PTPRT: variants seen among roughly 807,000 people sequenced by gnomAD.
PTPRT encodes the protein receptor-type tyrosine-protein phosphatase T.
PTPRT carries 56 observed loss-of-function variants against 176.8 expected under a neutral mutation model. The ratio of observed to expected loss-of-function variants is 0.32; its 90% confidence interval spans 0.26 to 0.40. The LOEUF (loss-of-function observed/expected upper bound fraction) is 0.40. PTPRT is among the 10% of genes least tolerant of loss of function. PTPRT has a pLI of 1.00. For synonymous variants in PTPRT, 783 were observed against 739.0 expected, an observed-to-expected ratio of 1.06 and a Z score of -0.96; for missense variants, 1,540 against 1,908.2, an observed-to-expected ratio of 0.81 and a Z score of 3.60.
intron 1 of PTPRT, among the ~76,000 whole-genome samples, chr20:43,126,850 G>C (rs1224659746): frequency 6.6e-6 from 1 of 152,282 alleles, no homozygotes; most frequent in South Asian, 2.1e-4. Context: ...CCCAGGAGTA[G>C]TAAACATCCA....
At position 42,398,590 on chromosome 20, in the gene PTPRT, G is replaced by A. The variant is rs145141170; in HGVS notation, c.1561-46305C>T. On this transcript the variant is annotated intron_variant, in intron 9 of 30. Coordinates refer to ENST00000373187, the MANE Select transcript of PTPRT (RefSeq NM_007050.6). ...TATATCAGAATTCAAATGGCGCATCGACAAGAACAAAATCTCTTTGTATAT... is the reference window on the plus strand; with the variant it reads ...TATATCAGAATTCAAATGGCGCATCAACAAGAACAAAATCTCTTTGTATAT... 6.6e-5 allele frequency among the ~76,000 whole-genome samples: 10 copies of A among 152,156 alleles called. No individual in the cohort carries two copies. The East Asian group carries it at 7.7e-4, about 12-fold the overall frequency.
chr20:42,470,139 G>A (rs148127462), intron 8 of PTPRT, among the ~76,000 whole-genome samples: 1 of 152,202 alleles, frequency 6.6e-6, no homozygotes, highest in Non-Finnish European at 1.5e-5. Flanking sequence ...TTATGCAGCT[G>A]ACAATGCCAG....
At chr20:43,024,080 C>T (rs1985815280) in intron 1 of PTPRT, among the ~76,000 whole-genome samples, 1 of 152,132 alleles carries the variant, frequency 6.6e-6, no homozygotes, top group African/African-American at 2.4e-5. Flanking sequence ...AGTATGAGCA[C>T]CGTATCCAAG....
chr20:43,034,362 A>G (rs1407757186), intron 1 of PTPRT, among the ~76,000 whole-genome samples: 1 of 152,080 alleles, frequency 6.6e-6, no homozygotes. Context: ...GCTGAGCCCT[A>G]TTCACGATTG....
chr20:42,731,974 C>T (rs191447577), intron 6 of PTPRT, among the ~76,000 whole-genome samples: 2 of 152,262 alleles, frequency 1.3e-5, no homozygotes, highest in East Asian at 1.9e-4. Flanking sequence ...GTCCACTTAC[C>T]GAAGGGAGCC....
intron 6 of PTPRT, among the ~76,000 whole-genome samples, chr20:42,703,541 G>C (rs956391180): frequency 3.9e-5 from 6 of 152,186 alleles, no homozygotes; most frequent in Non-Finnish European, 5.9e-5. Context: ...CAGCAACATA[G>C]AGTTCTCATG....
intron 2 of PTPRT, among the ~76,000 whole-genome samples, chr20:42,878,016 T>G (rs888864822): frequency 1.3e-5 from 2 of 152,244 alleles, no homozygotes; most frequent in African/African-American, 4.8e-5. Flanking sequence ...GTGGATGATA[T>G]TCCTTCTCCA....
chr20:42,653,872 C>T (rs939820101), intron 7 of PTPRT, among the ~76,000 whole-genome samples: 4 of 152,138 alleles, frequency 2.6e-5, no homozygotes, highest in African/African-American at 4.8e-5. Flanking sequence ...TCTATAAAGG[C>T]ATGTAGACAC....
At chr20:42,330,903 C>T (rs970082007) in intron 11 of PTPRT, among the ~76,000 whole-genome samples, 4 of 152,172 alleles carry the variant, frequency 2.6e-5, no homozygotes, top group African/African-American at 9.7e-5. Flanking sequence ...CCAGGCCCCA[C>T]CTCAGCTCTA....
chr20:42,034,233 G>A, the PTPRT span, among the ~76,000 whole-genome samples: 1 of 152,124 alleles, frequency 6.6e-6, no homozygotes, highest in African/African-American at 2.4e-5. Context: ...CTCACGTGGT[G>A]GCTGGCAGCA....
chr20:42,449,603 T>G (rs6130133), intron 8 of PTPRT, among the ~76,000 whole-genome samples: 2 of 152,026 alleles, frequency 1.3e-5, no homozygotes, highest in Non-Finnish European at 2.9e-5. Context: ...ATAAGAGAAC[T>G]GAGGCTGAGA....
At chr20:43,097,251 G>A (rs1219031460) in intron 1 of PTPRT, among the ~76,000 whole-genome samples, 1 of 152,134 alleles carries the variant, frequency 6.6e-6, no homozygotes, top group African/African-American at 2.4e-5. Flanking sequence ...TCCCATCTCT[G>A]TCATTTCTGG....
At chr20:42,118,590 A>G (rs1987417443) in intron 20 of PTPRT, 90 bp from the exon 21 acceptor site, 1 of 1,038,904 alleles carries the variant, frequency 9.6e-7, no homozygotes. Flanking sequence ...AAGTCTCCAC[A>G]CTGGTGAGCA....
At chr20:42,110,049 C>CTTTTT (rs747975893) in intron 23 of PTPRT, among the ~76,000 whole-genome samples, 1 of 139,718 alleles carries the variant, frequency 7.2e-6, no homozygotes, top group African/African-American at 2.6e-5. Context: ...AGGACTTTTT[C>CTTTTT]TTTTTTTTTT....
chr20:42,432,738 T>G (rs1447621067), intron 9 of PTPRT, among the ~76,000 whole-genome samples: 3 of 152,162 alleles, frequency 2.0e-5, no homozygotes, highest in Non-Finnish European at 4.4e-5. Flanking sequence ...GACAGAGCCT[T>G]ACTCCTTTAA....
intron 12 of PTPRT, among the ~76,000 whole-genome samples, chr20:42,311,740 T>C (rs1390643968): frequency 6.6e-6 from 1 of 152,164 alleles, no homozygotes; most frequent in Non-Finnish European, 1.5e-5. Context: ...TCTGGCTTTT[T>C]TTATAGTTTT....
chr20:42,708,023 C>T (rs1260452386), intron 6 of PTPRT, among the ~76,000 whole-genome samples: 1 of 152,118 alleles, frequency 6.6e-6, no homozygotes, highest in Non-Finnish European at 1.5e-5. Context: ...ACATTCACTC[C>T]TTAAAATTGT....
chr20:42,209,378 T>C (rs1439497564), intron 15 of PTPRT, among the ~76,000 whole-genome samples: 8 of 151,796 alleles, frequency 5.3e-5, no homozygotes, highest in African/African-American at 1.9e-4. Context: ...TGAAAGGATC[T>C]ACAAAATTGA....
chr20:42,232,274 A>G (rs1242453722), intron 15 of PTPRT, among the ~76,000 whole-genome samples: 2 of 152,228 alleles, frequency 1.3e-5, no homozygotes, highest in Non-Finnish European at 2.9e-5. Flanking sequence ...TAAAAGGACC[A>G]GGTGGCCCCT....
Sources: allele counts gnomAD v4.1 joint callset (sites outside exome capture counted in the v4.1 genomes callset), GRCh38; gene constraint gnomAD v4.1.1; transcripts MANE v1.5; gene names NCBI Gene and HGNC (gene_info 2026-07-23, HGNC 2026-07-21).